ABCD3: variants seen among roughly 807,000 people sequenced by gnomAD.
The protein encoded by ABCD3 is ATP binding cassette subfamily D member 3.
Under a neutral mutation model 105.5 loss-of-function variants are expected in ABCD3, and 41 were observed. The observed-to-expected ratio is 0.39, with a 90% confidence interval of 0.30 to 0.50. ABCD3 has a LOEUF of 0.50. Among genes scored for constraint, ABCD3 ranks in the 20% least tolerant of loss-of-function variants. ABCD3 has a pLI of 0.84. For synonymous variants in ABCD3, 258 were observed against 269.0 expected, an observed-to-expected ratio of 0.96 and a Z score of 0.40; for missense variants, 622 against 806.3, an observed-to-expected ratio of 0.77 and a Z score of 2.77.
At chr1:94,485,693 A>G (rs1649245978) in intron 10 of ABCD3, among the ~76,000 whole-genome samples, 1 of 152,166 alleles carries the variant, frequency 6.6e-6, no homozygotes, top group Non-Finnish European at 1.5e-5. Context: ...AAGTATATAT[A>G]TATTTGCAGT....
chr1:94,509,101 A>T (rs1570839126), intron 21 of ABCD3, among the ~76,000 whole-genome samples: 1 of 152,190 alleles, frequency 6.6e-6, no homozygotes, highest in African/African-American at 2.4e-5. Context: ...TTGCCCATTC[A>T]GTATGATATT....
At chr1:94,402,447 T>C in the ABCD3 span, among the ~76,000 whole-genome samples, 2 of 152,202 alleles carry the variant, frequency 1.3e-5, no homozygotes, top group African/African-American at 4.8e-5. Flanking sequence ...TATGTGTGTG[T>C]TTTTCCTCAG....
At chr1:94,468,162 T>G (rs1044214562) in intron 4 of ABCD3, among the ~76,000 whole-genome samples, 155 bp downstream of exon 4, 1 of 152,204 alleles carries the variant, frequency 6.6e-6, no homozygotes, top group South Asian at 2.1e-4. Context: ...AAATACTTAG[T>G]GTTTCCCATG....
At chr1:94,444,418 G>T (rs1427711203) in intron 1 of ABCD3, among the ~76,000 whole-genome samples, 2 of 151,486 alleles carry the variant, frequency 1.3e-5, no homozygotes, top group African/African-American at 4.8e-5. Flanking sequence ...TTCTGCCTTG[G>T]CCTCCTAAAG....
At chr1:94,402,148 A>G in the ABCD3 span, among the ~76,000 whole-genome samples, 10 of 152,180 alleles carry the variant, frequency 6.6e-5, no homozygotes, top group Middle Eastern at 3.2e-3. Context: ...ATTGAAGAGT[A>G]ATGTTTCATT....
chr1:94,488,713 C>G (rs1481441620), intron 13 of ABCD3, among the ~76,000 whole-genome samples: 1 of 151,958 alleles, frequency 6.6e-6, no homozygotes, highest in East Asian at 1.9e-4. Flanking sequence ...TGAGTAGAGT[C>G]TCTTTCATGA....
At chr1:94,427,959 T>A (rs1659530379) in intron 1 of ABCD3, among the ~76,000 whole-genome samples, 1 of 152,200 alleles carries the variant, frequency 6.6e-6, no homozygotes, top group Non-Finnish European at 1.5e-5. Flanking sequence ...TCTATAAAGT[T>A]AAGGATAAAA....
rs1436032920 is a variant in ABCD3 at position 94,431,092 on chromosome 1, A to G, written c.110+12504A>G. Among the ~76,000 whole-genome samples, 4 of 152,198 alleles carry G rather than the reference A, an allele frequency of 2.6e-5. No individual in the cohort carries two copies. The East Asian group carries it at 7.7e-4, about 29-fold the overall frequency. ...CATATTGGTGCATTTCCTTTTTACTATGCATACTTTTATCTTGCCTATAAA... is the reference window on the plus strand; with the variant it reads ...CATATTGGTGCATTTCCTTTTTACTGTGCATACTTTTATCTTGCCTATAAA... On this transcript the variant is annotated intron_variant, in intron 1 of 22. Transcript: ENST00000370214.
intron 16 of ABCD3, among the ~76,000 whole-genome samples, chr1:94,494,361 C>G (rs1323729086): frequency 6.6e-6 from 1 of 152,138 alleles, no homozygotes; most frequent in African/African-American, 2.4e-5. Flanking sequence ...CCCCTGGGAA[C>G]TGTTTCTCTG....
intron 20 of ABCD3, among the ~76,000 whole-genome samples, chr1:94,499,908 G>A (rs952121640): frequency 6.6e-6 from 1 of 152,112 alleles, no homozygotes; most frequent in Non-Finnish European, 1.5e-5. Flanking sequence ...TTATTCCTGG[G>A]ATATAAGGTA....
chr1:94,436,620 C>G (rs1659911469), intron 1 of ABCD3, among the ~76,000 whole-genome samples: 1 of 152,168 alleles, frequency 6.6e-6, no homozygotes, highest in African/African-American at 2.4e-5. Flanking sequence ...TTGAGCAAGT[C>G]TATTGAAGCC....
the ABCD3 span, among the ~76,000 whole-genome samples, chr1:94,407,998 T>C: frequency 2.6e-5 from 4 of 152,234 alleles, no homozygotes; most frequent in African/African-American, 9.6e-5. Context: ...AGCCGAATAG[T>C]GGTGGCTGAG....
In ABCD3 at chr1:94,418,588, G is replaced by T. The variant is rs769047186; in HGVS notation, c.110G>T (p.Gly37Val). 6.9e-6 allele frequency: 11 copies of T among 1,594,196 alleles called. No homozygotes were observed. In the South Asian group the frequency reaches 1.2e-4, roughly 18 times the overall value. ...HKRRRALGLH[G>V]KKSGKPPLQN... is the part of the protein sequence containing the mutation. ...CGGCGCCGCGCCCTCGGCCTGCACG[G>T]GTAAGAAGGCCCGTAGCCGTGCAGC... is the stretch of plus-strand genomic sequence containing the variant. The change falls in exon 1 of 23, where the codon GGT becomes GTT. Residue 37 changes from glycine to valine, a missense_variant and splice_region_variant. Transcript: ENST00000370214.
At position 94,418,447 on chromosome 1, in the gene ABCD3, C is replaced by G. The variant is rs945116946; in HGVS notation, c.-32C>G. ...GCCGCCGCCGCCGCCGCCGCCGCGT[C>G]CCCTCGCCGGCTCGCTGGTACCGGC... is the stretch of plus-strand genomic sequence containing the variant. On this transcript the variant is annotated 5_prime_UTR_variant, in exon 1 of 23. Coordinates refer to ENST00000370214, the MANE Select transcript of ABCD3 (RefSeq NM_002858.4). The G allele has an allele frequency of 1.2e-5, 18 of 1,562,708 alleles. No homozygotes were observed. Among genetic ancestry groups the G allele is most frequent in the Middle Eastern group, 3.7e-4 (2 of 5,344 alleles).
rs1335101894 is a variant in ABCD3 at position 94,517,824 on chromosome 1, A to G, written c.*695A>G. ...GTCTTGCTTACAAGGAGGGGTTACC[A>G]TGTATCACACCTAATCTTCCCAATG... On this transcript the variant is annotated 3_prime_UTR_variant, in exon 23 of 23. Coordinates refer to ENST00000370214, the MANE Select transcript of ABCD3 (RefSeq NM_002858.4). 1 of 152,486 alleles carries G rather than the reference A, an allele frequency of 6.6e-6. No individual in the cohort carries two copies. The highest frequency in any genetic ancestry group is 2.4e-5 in the African/African-American group (1 of 41,406). 9.4% of individuals were successfully genotyped at this position (152,486 alleles called of 1,614,324 possible). A position where few individuals can be genotyped will look rare whatever the true frequency, so the allele number is the denominator to read the frequency against.
Position 94,475,064 on chromosome 1 carries a change from G to A in ABCD3, c.406-79G>A, listed in dbSNP as rs879377651. On this transcript the variant is annotated intron_variant, in intron 5 of 22. Transcript: ENST00000370214. ...AAAAATTGTAGGATTTGGGACACAG[G>A]AAATAATAGAGAAATAAATTATAGT... The A allele has an allele frequency of 4.5e-5, 42 of 932,224 alleles. No individual in the cohort carries two copies. In the Admixed American group the frequency reaches 4.7e-4, roughly 10 times the overall value. The allele number at this position is 932,224 out of a possible 1,614,324, so 57.7% of individuals were successfully genotyped here. A position where few individuals can be genotyped will look rare whatever the true frequency, so the allele number is the denominator to read the frequency against.
chr1:94,426,187 T>C (rs1570731636), intron 1 of ABCD3, among the ~76,000 whole-genome samples: 1 of 152,272 alleles, frequency 6.6e-6, no homozygotes, highest in South Asian at 2.1e-4. Context: ...CTTTTTCAAT[T>C]GATAGAATCA....
chr1:94,388,201 T>C, the ABCD3 span, among the ~76,000 whole-genome samples: 4 of 152,242 alleles, frequency 2.6e-5, no homozygotes, highest in Non-Finnish European at 5.9e-5. Context: ...ATAATTCCCA[T>C]GAAGGAATTC....
chr1:94,411,809 T>C, the ABCD3 span, among the ~76,000 whole-genome samples: 2 of 152,258 alleles, frequency 1.3e-5, no homozygotes, highest in African/African-American at 4.8e-5. Flanking sequence ...TATTCATCCA[T>C]ACAAAGGAAT....
Sources: allele counts gnomAD v4.1 joint callset (sites outside exome capture counted in the v4.1 genomes callset), GRCh38; gene constraint gnomAD v4.1.1; transcripts MANE v1.5; gene names NCBI Gene and HGNC (gene_info 2026-07-23, HGNC 2026-07-21).